Variants in SULF2 observed in about 807,000 individuals in gnomAD.
SULF2 encodes the protein sulfatase 2, also known as extracellular sulfatase Sulf-2.
Under a neutral mutation model 107.7 loss-of-function variants are expected in SULF2, and 52 were observed. That is an observed-to-expected ratio of 0.48 (90% CI 0.39 to 0.61). The LOEUF is 0.61. SULF2 is among the 20% of genes least tolerant of loss of function. The probability of loss-of-function intolerance (pLI) is 0.00; values close to 1 mark genes in which losing one functional copy is unlikely to be tolerated. For synonymous variants in SULF2, 460 were observed against 464.3 expected, an observed-to-expected ratio of 0.99 and a Z score of 0.12; for missense variants, 993 against 1,177.3, an observed-to-expected ratio of 0.84 and a Z score of 2.29.
At position 47,745,446 on chromosome 20, in the gene SULF2, TATATATATATAC is replaced by T. The variant is rs1272691886; in HGVS notation, c.176-8516_176-8505del. Among the ~76,000 whole-genome samples, 125 of 17,032 alleles carry T rather than the reference TATATATATATAC, an allele frequency of 7.3e-3. 6 individuals are homozygous for T. Among genetic ancestry groups the T allele is most frequent in the South Asian group, 0.016 (6 of 386 alleles). The allele number at this position is 17,032 out of a possible 152,430, so 11.2% of individuals were successfully genotyped here. On this transcript the variant is annotated intron_variant, in intron 2 of 20. Coordinates refer to ENST00000688720, the MANE Select transcript of SULF2 (RefSeq NM_001387048.1). ...ATATATATATATATATATATATATA[TATATATATATAC>T]ACATACACACACACTTTTTTAGTTC...
At chr20:47,750,182 A>T (rs12479815) in intron 2 of SULF2, among the ~76,000 whole-genome samples, 3,968 of 152,134 alleles carry the variant, frequency 0.026, 107 homozygotes, top group African/African-American at 0.071. Context: ...GGGTTTCACT[A>T]TGTTGGCCAG....
chr20:47,761,725 G>A (rs2090423409), intron 1 of SULF2, among the ~76,000 whole-genome samples: 1 of 152,208 alleles, frequency 6.6e-6, no homozygotes, highest in African/African-American at 2.4e-5. Context: ...CAGCTGAAAA[G>A]GAGACAAACT....
intron 2 of SULF2, among the ~76,000 whole-genome samples, chr20:47,755,991 T>A (rs1248872427): frequency 6.6e-6 from 1 of 152,076 alleles, no homozygotes; most frequent in Non-Finnish European, 1.5e-5. Context: ...TCACCTGGAA[T>A]GAGCCTCCCT....
intron 6 of SULF2, 150 bp downstream of exon 6, chr20:47,684,281 C>G: frequency 2.5e-6 from 2 of 788,032 alleles, no homozygotes; most frequent in Non-Finnish European, 3.8e-6. Flanking sequence ...TTGCTCCAAG[C>G]TGTTCCCCAG....
intron 1 of SULF2, among the ~76,000 whole-genome samples, chr20:47,783,866 TTTCTC>T (rs2090874444): frequency 6.6e-6 from 1 of 152,174 alleles, no homozygotes; most frequent in Non-Finnish European, 1.5e-5. Context: ...CTGGATGAGT[TTTCTC>T]TTCTCTATGA....
intron 7 of SULF2, among the ~76,000 whole-genome samples, chr20:47,679,083 C>A (rs1310391350): frequency 1.3e-5 from 2 of 151,298 alleles, no homozygotes; most frequent in Admixed American, 1.3e-4. Flanking sequence ...CCTGTCCCCA[C>A]TTCCTGAGTG....
intron 11 of SULF2, among the ~76,000 whole-genome samples, chr20:47,671,382 C>T (rs935248361): frequency 2.6e-5 from 4 of 152,166 alleles, no homozygotes; most frequent in Non-Finnish European, 5.9e-5. Flanking sequence ...TCTCAGCTAT[C>T]TGCAACCTCT....
intron 10 of SULF2, among the ~76,000 whole-genome samples, chr20:47,674,120 C>G (rs976610171): frequency 1.3e-5 from 2 of 152,204 alleles, no homozygotes; most frequent in African/African-American, 4.8e-5. Flanking sequence ...TTGTAAAAAG[C>G]AAGAACAAAA....
intron 1 of SULF2, among the ~76,000 whole-genome samples, chr20:47,770,846 G>A (rs1320037004): frequency 1.3e-5 from 2 of 152,162 alleles, no homozygotes; most frequent in Non-Finnish European, 2.9e-5. Flanking sequence ...CTTGCAGTGG[G>A]GTCTGATTTC....
chr20:47,758,427 TC>T (rs2090345614), intron 1 of SULF2, among the ~76,000 whole-genome samples: 1 of 152,186 alleles, frequency 6.6e-6, no homozygotes, highest in South Asian at 2.1e-4. Flanking sequence ...TGCCCTGGCC[TC>T]CCAAAGTGCT....
At chr20:47,742,296 T>A (rs2089903788) in intron 2 of SULF2, among the ~76,000 whole-genome samples, 1 of 152,180 alleles carries the variant, frequency 6.6e-6, no homozygotes. Flanking sequence ...CACACAGAAA[T>A]GAAAAGGCCA....
chr20:47,676,810 C>T (rs1052587496), intron 9 of SULF2, 187 bp from the exon 10 acceptor site: 1 of 714,760 alleles, frequency 1.4e-6, no homozygotes, highest in African/African-American at 1.8e-5. Context: ...TTATAAGAAA[C>T]TTCCCAAATT....
intron 2 of SULF2, among the ~76,000 whole-genome samples, 182 bp downstream of exon 2, chr20:47,757,007 C>A (rs2090306186): frequency 6.6e-6 from 1 of 152,182 alleles, no homozygotes; most frequent in Non-Finnish European, 1.5e-5. Flanking sequence ...AGGGTAGAGA[C>A]CCCTAACCTT....
rs772209342 is a variant in SULF2 at position 47,666,140 on chromosome 20, T to G, written c.1805+120A>C. On this transcript the variant is annotated intron_variant, in intron 12 of 20. Coordinates refer to ENST00000688720, the MANE Select transcript of SULF2 (RefSeq NM_001387048.1). The surrounding 1 kb of genome is among the most constrained non-coding windows in gnomAD (Gnocchi z 5.4). ...GCTGAATAGTCGGGAAGGCCTCCAGTGCCACTGAAGTCCCCACCATCCTTG... is the reference window on the plus strand; with the variant it reads ...GCTGAATAGTCGGGAAGGCCTCCAGGGCCACTGAAGTCCCCACCATCCTTG... 1.9e-6 allele frequency: 3 copies of G among 1,607,794 alleles called. No individual in the cohort carries two copies. In the East Asian group the frequency reaches 6.7e-5, roughly 36 times the overall value.
At chr20:47,667,683 C>A (rs568667921) in intron 11 of SULF2, among the ~76,000 whole-genome samples, 1 of 152,230 alleles carries the variant, frequency 6.6e-6, no homozygotes, top group South Asian at 2.1e-4. Context: ...CCAGCAGGCA[C>A]GCACTGCAGT....
Position 47,672,319 on chromosome 20 carries a change from G to A in SULF2, c.1455C>T (p.Gly485=). The change falls in exon 11 of 21, where the codon GGC becomes GGT. Residue 485 remains glycine (G), a synonymous_variant. Coordinates refer to ENST00000688720, the MANE Select transcript of SULF2 (RefSeq NM_001387048.1). The part of the protein sequence containing the change: ...HKCKGPMRLG[G]SRALSNLVPK... ...GCACGAGGTTGGAGAGGGCTCTGCT[G>A]CCGCCCAGCCGCATGGGGCCCTTGC... 1 of 1,613,218 alleles carries A rather than the reference G, an allele frequency of 6.2e-7. No individual in the cohort carries two copies. Among genetic ancestry groups the A allele is most frequent in the Non-Finnish European group, 8.5e-7 (1 of 1,179,980 alleles).
At chr20:47,702,180 CT>C (rs1160060464) in intron 4 of SULF2, among the ~76,000 whole-genome samples, 3 of 152,180 alleles carry the variant, frequency 2.0e-5, no homozygotes, top group African/African-American at 7.2e-5. Flanking sequence ...ATTTCAGCCT[CT>C]CTAGTAGCTG....
chr20:47,700,823 C>G (rs895004335), intron 4 of SULF2, among the ~76,000 whole-genome samples: 5 of 151,994 alleles, frequency 3.3e-5, no homozygotes, highest in African/African-American at 1.2e-4. Context: ...TTTTTGTATT[C>G]TTAGTGGAGA....
intron 11 of SULF2, among the ~76,000 whole-genome samples, chr20:47,670,072 G>T (rs1451137535): frequency 6.6e-6 from 1 of 152,196 alleles, no homozygotes; most frequent in East Asian, 1.9e-4. Context: ...AGACTTATCT[G>T]CTCCACGATG....
Sources: gnomAD v4.1 joint callset for allele counts (sites outside exome capture counted in the v4.1 genomes callset) on GRCh38, gnomAD v4.1.1 for gene constraint, Gnocchi (gnomAD v3.1) non-coding constraint, MANE v1.5 for transcripts, NCBI Gene and HGNC (gene_info 2026-07-23, HGNC 2026-07-21) for gene names.